The following CA10 variants were observed in gnomAD, a reference collection of about 807,000 sequenced individuals.
The protein encoded by CA10 is carbonic anhydrase 10 (inactive), also known as carbonic anhydrase-related protein 10.
In CA10, 14 loss-of-function variants were observed where a neutral mutation model predicts 44.2. The observed-to-expected ratio is 0.32, with a 90% CI of 0.21 to 0.50. CA10 has a LOEUF of 0.50. Among genes scored for constraint, CA10 ranks in the 20% least tolerant of loss-of-function variants. CA10 has a pLI of 0.99. For missense variants in CA10, 350 were observed against 409.7 expected, an observed-to-expected ratio of 0.85 and a Z score of 1.26; for synonymous variants, 159 against 141.6, an observed-to-expected ratio of 1.12 and a Z score of -0.87.
At chr17:52,064,957 A>C (rs1987493249) in intron 2 of CA10, among the ~76,000 whole-genome samples, 1 of 152,166 alleles carries the variant, frequency 6.6e-6, no homozygotes. Flanking sequence ...GCTTAAAACT[A>C]TCTATTGTCC....
intron 3 of CA10, among the ~76,000 whole-genome samples, chr17:51,756,723 G>A (rs1384914898): frequency 2.0e-5 from 3 of 151,966 alleles, no homozygotes; most frequent in Admixed American, 1.3e-4. Context: ...TGATCCGCCC[G>A]TCTTGGCCTC....
At chr17:51,895,324 C>T (rs752299566) in intron 3 of CA10, among the ~76,000 whole-genome samples, 1 of 151,948 alleles carries the variant, frequency 6.6e-6, no homozygotes, top group African/African-American at 2.4e-5. Flanking sequence ...CAGACCAATG[C>T]CTGTAAAAAG....
intron 4 of CA10, among the ~76,000 whole-genome samples, chr17:51,729,528 A>G (rs561726999): frequency 6.6e-6 from 1 of 152,222 alleles, no homozygotes; most frequent in Non-Finnish European, 1.5e-5. Context: ...CCAATAGGCA[A>G]CTGTGACTCT....
At chr17:51,900,387 A>T (rs975779412) in intron 3 of CA10, among the ~76,000 whole-genome samples, 6 of 152,140 alleles carry the variant, frequency 3.9e-5, no homozygotes, top group African/African-American at 1.4e-4. Context: ...GTTCTTGCTG[A>T]CAGAGCCACT....
At chr17:52,134,893 C>G (rs774887176) in intron 1 of CA10, 1 of 519,002 alleles carries the variant, frequency 1.9e-6, no homozygotes, top group Non-Finnish European at 3.8e-6. Flanking sequence ...CTCCCTCACC[C>G]CCACCATACA....
In CA10 at chr17:52,157,802, C is replaced by G; in HGVS notation, c.-16G>C. On this transcript the variant is annotated 5_prime_UTR_variant, in exon 1 of 9. Transcript: ENST00000451037. ...CTATTTCCATCCTCTGATTCTCATT[C>G]CAAGTGCATCACTCGACGGGAAAAC... The G allele has an allele frequency of 6.2e-7, 1 of 1,611,194 alleles. No individual in the cohort carries two copies. Among genetic ancestry groups the G allele is most frequent in the Non-Finnish European group, 8.5e-7 (1 of 1,177,326 alleles).
intron 3 of CA10, among the ~76,000 whole-genome samples, chr17:51,783,480 A>G (rs933793429): frequency 3.3e-5 from 5 of 152,346 alleles, no homozygotes; most frequent in African/African-American, 1.2e-4. Context: ...AGCAAGGTCA[A>G]GTCGCTTTCC....
intron 3 of CA10, among the ~76,000 whole-genome samples, chr17:51,915,370 ACT>A (rs1377878717): frequency 6.6e-6 from 1 of 151,992 alleles, no homozygotes; most frequent in Non-Finnish European, 1.5e-5. Context: ...TGATCAACAA[ACT>A]CTTACATTCT....
At chr17:52,032,626 C>T (rs1315782205) in intron 2 of CA10, among the ~76,000 whole-genome samples, 2 of 152,078 alleles carry the variant, frequency 1.3e-5, no homozygotes, top group Non-Finnish European at 2.9e-5. Context: ...TGGGTTTGGG[C>T]CAAGTCGGGC....
intron 4 of CA10, among the ~76,000 whole-genome samples, chr17:51,654,714 G>A (rs570834699): frequency 2.0e-5 from 3 of 151,926 alleles, no homozygotes; most frequent in East Asian, 1.9e-4. Flanking sequence ...ATGTCACCAC[G>A]CCAGGCTAAT....
At chr17:51,910,587 G>T (rs1484573672) in intron 3 of CA10, among the ~76,000 whole-genome samples, 6 of 152,146 alleles carry the variant, frequency 3.9e-5, no homozygotes, top group Non-Finnish European at 5.9e-5. Context: ...AGTTTATAAA[G>T]TTCCTCTAAC....
intron 2 of CA10, among the ~76,000 whole-genome samples, chr17:52,054,373 T>C (rs572928332): frequency 1.6e-4 from 25 of 152,198 alleles, no homozygotes; most frequent in Non-Finnish European, 3.4e-4. Context: ...GTAAGACTGG[T>C]TGTCTGCTTT....
intron 7 of CA10, among the ~76,000 whole-genome samples, chr17:51,634,672 T>A (rs984249142): frequency 6.6e-6 from 1 of 152,210 alleles, no homozygotes; most frequent in African/African-American, 2.4e-5. Flanking sequence ...GTACTAACTC[T>A]GTGAGATGAT....
chr17:51,823,106 T>G (rs550860256), intron 3 of CA10, among the ~76,000 whole-genome samples: 1 of 152,248 alleles, frequency 6.6e-6, no homozygotes, highest in East Asian at 1.9e-4. Flanking sequence ...GTTTTCCTTT[T>G]TGTGTTTTCT....
chr17:51,863,292 C>T (rs1241506276), intron 3 of CA10, among the ~76,000 whole-genome samples: 2 of 152,176 alleles, frequency 1.3e-5, no homozygotes, highest in East Asian at 1.9e-4. Context: ...GTCTCCATTA[C>T]CTAGCCCCTG....
intron 3 of CA10, among the ~76,000 whole-genome samples, chr17:51,749,418 G>A (rs1904817557): frequency 6.6e-6 from 1 of 152,182 alleles, no homozygotes; most frequent in South Asian, 2.1e-4. Flanking sequence ...GGGCTAGCCT[G>A]CTGGAGGATG....
intron 4 of CA10, among the ~76,000 whole-genome samples, chr17:51,728,591 T>A (rs568505956): frequency 6.6e-6 from 1 of 152,204 alleles, no homozygotes. Context: ...GGCTTATGGA[T>A]TTTTGGATAC....
intron 4 of CA10, among the ~76,000 whole-genome samples, chr17:51,738,965 T>C (rs1460275517): frequency 6.6e-6 from 1 of 152,156 alleles, no homozygotes; most frequent in Non-Finnish European, 1.5e-5. Flanking sequence ...TGGCATTTGA[T>C]TTTTCCTTTG....
At chr17:51,866,639 G>A (rs997251566) in intron 3 of CA10, among the ~76,000 whole-genome samples, 10 of 152,214 alleles carry the variant, frequency 6.6e-5, no homozygotes, top group African/African-American at 1.7e-4. Flanking sequence ...CAAGATACCC[G>A]CTCGACTTTA....
Sources: gnomAD v4.1 joint callset for allele counts (sites outside exome capture counted in the v4.1 genomes callset) on GRCh38, gnomAD v4.1.1 for gene constraint, MANE v1.5 for transcripts, NCBI Gene and HGNC (gene_info 2026-07-23, HGNC 2026-07-21) for gene names.